Variants in ZNF618 observed in about 807,000 individuals in gnomAD.
ZNF618 encodes the protein zinc finger protein 618, also known as neural precursor cell expressed, developmentally down-regulated 10.
A neutral mutation model predicts 103.0 loss-of-function variants in ZNF618; 34 were observed. The ratio of observed to expected loss-of-function variants is 0.33; its 90% CI spans 0.25 to 0.44. ZNF618 has a LOEUF of 0.44. Ranked by LOEUF, ZNF618 falls within the 20% of genes least tolerant of loss-of-function variation. The pLI is 1.00. For synonymous variants in ZNF618, 551 were observed against 542.2 expected (o/e 1.02, Z -0.23); for missense variants, 1,059 against 1,295.4 (o/e 0.82, Z 2.80).
At chr9:114,017,148 A>G (rs544149169) in intron 10 of ZNF618, among the ~76,000 whole-genome samples, 1 of 152,276 alleles carries the variant, frequency 6.6e-6, no homozygotes, top group East Asian at 1.9e-4. Flanking sequence ...CCAGTTCCGC[A>G]TGATGCAGCT....
intron 10 of ZNF618, among the ~76,000 whole-genome samples, chr9:114,024,337 G>C (rs889285368): frequency 6.6e-6 from 1 of 151,750 alleles, no homozygotes; most frequent in African/African-American, 2.4e-5. Flanking sequence ...TGTCATTTCT[G>C]TATGTTTCTG....
At chr9:113,928,642 TTTG>T (rs1833304719) in intron 1 of ZNF618, among the ~76,000 whole-genome samples, 2 of 152,192 alleles carry the variant, frequency 1.3e-5, no homozygotes, top group South Asian at 4.1e-4. Flanking sequence ...TTCTTTGTTT[TTTG>T]TTTTCTCTCC....
At chr9:114,037,685 A>G (rs1844743474) in intron 13 of ZNF618, among the ~76,000 whole-genome samples, 1 of 152,222 alleles carries the variant, frequency 6.6e-6, no homozygotes. Context: ...ACTGGCATAG[A>G]GTATTACAGG....
At chr9:114,020,300 A>G (rs967916636) in intron 10 of ZNF618, among the ~76,000 whole-genome samples, 3 of 152,072 alleles carry the variant, frequency 2.0e-5, no homozygotes, top group African/African-American at 7.2e-5. Context: ...TATTCTAGAA[A>G]CTTTATTCTT....
intron 4 of ZNF618, 118 bp from the exon 5 acceptor site, chr9:114,001,878 G>A (rs1841244635): frequency 2.3e-6 from 2 of 878,208 alleles, no homozygotes; most frequent in Non-Finnish European, 3.8e-6. Context: ...TCCTTGCCAG[G>A]GACCATCTCT....
At chr9:113,962,714 C>T (rs1836969733) in intron 1 of ZNF618, among the ~76,000 whole-genome samples, 1 of 152,196 alleles carries the variant, frequency 6.6e-6, no homozygotes, top group South Asian at 2.1e-4. Context: ...CCAATGATGC[C>T]TACCCAACTA....
intron 1 of ZNF618, 25 bp downstream of exon 1, chr9:113,876,438 C>A: frequency 8.3e-7 from 1 of 1,200,376 alleles, no homozygotes; most frequent in Non-Finnish European, 1.0e-6. Flanking sequence ...CGGGGGCATG[C>A]ACCGCGCGGG....
chr9:114,037,314 G>T (rs915057384), intron 13 of ZNF618, among the ~76,000 whole-genome samples: 6 of 152,126 alleles, frequency 3.9e-5, no homozygotes, highest in Non-Finnish European at 7.3e-5. Context: ...TCTCTTTGTG[G>T]ATGGGGAGAG....
At chr9:113,887,882 A>G (rs1829226991) in intron 1 of ZNF618, among the ~76,000 whole-genome samples, 2 of 152,172 alleles carry the variant, frequency 1.3e-5, no homozygotes, top group Non-Finnish European at 2.9e-5. Flanking sequence ...GAAGTTTAGC[A>G]TTCTTATTTA....
chr9:113,925,014 A>G (rs556635368), intron 1 of ZNF618, among the ~76,000 whole-genome samples: 1 of 151,984 alleles, frequency 6.6e-6, no homozygotes, highest in Non-Finnish European at 1.5e-5. Context: ...TGGATGCAAT[A>G]CCCTATAATA....
intron 1 of ZNF618, among the ~76,000 whole-genome samples, chr9:113,920,121 C>T (rs1235930180): frequency 1.3e-5 from 2 of 152,164 alleles, no homozygotes; most frequent in African/African-American, 2.4e-5. Flanking sequence ...TCCCAGGTAT[C>T]CCAAGTTCAT....
intron 1 of ZNF618, among the ~76,000 whole-genome samples, chr9:113,916,741 G>A (rs1248230651): frequency 6.6e-6 from 1 of 152,198 alleles, no homozygotes; most frequent in Non-Finnish European, 1.5e-5. Context: ...TGCAAGGTGT[G>A]TATCCTTCAC....
At chr9:113,988,043 A>G (rs187743874) in intron 2 of ZNF618, among the ~76,000 whole-genome samples, 2 of 152,370 alleles carry the variant, frequency 1.3e-5, no homozygotes, top group East Asian at 3.9e-4. Context: ...AACTGGGCAC[A>G]TCTAGACCTC....
In ZNF618 at chr9:114,050,140, CAT is replaced by C. The variant is rs1564354066; in HGVS notation, c.2839_2840del (p.Met947ValfsTer22). On this transcript the variant is annotated frameshift_variant, in exon 15 of 15. Coordinates refer to ENST00000374126, the MANE Select transcript of ZNF618 (RefSeq NM_001318042.2). LOFTEE classifies it high-confidence loss of function. ...LLSPEDMNKL[M>X]FLKSNML The stretch of plus-strand genomic sequence containing the variant: ...TCAGTCCAGAAGATATGAATAAACT[CAT>C]GTTTCTGAAATCCAACATGCTTTAA... 6.4e-7 allele frequency: 1 copy of C among 1,562,734 alleles called. No homozygotes were observed. Among genetic ancestry groups the C allele is most frequent in the Non-Finnish European group, 8.7e-7 (1 of 1,155,930 alleles).
rs1298111835 is a variant in ZNF618 at position 114,049,690 on chromosome 9, C to G, written c.2388C>G (p.Phe796Leu). 6.2e-7 allele frequency: 1 copy of G among 1,613,870 alleles called. No homozygotes were observed. The highest frequency in any genetic ancestry group is 1.3e-5 in the African/African-American group (1 of 75,068). The change falls in exon 15 of 15, where the codon TTC becomes TTG. Residue 796 changes from phenylalanine (F) to leucine (L), a missense_variant. By Grantham distance (22) the Phe-to-Leu change is conservative. This residue lies in a region of ZNF618 where 272 missense variants were observed against 380.1 expected (regional missense o/e 0.72). Coordinates refer to ENST00000374126, the MANE Select transcript of ZNF618 (RefSeq NM_001318042.2). The stretch of plus-strand genomic sequence containing the variant: ...TCCTGGAGGCGCTCAAGGAGAACTT[C>G]AAGGTGCACCCGGCCCACAAGGTGG... ...HLFLEALKEN[F>L]KVHPAHKVAM...
At chr9:113,989,095 G>A (rs1029460789) in intron 3 of ZNF618, among the ~76,000 whole-genome samples, 10 of 152,176 alleles carry the variant, frequency 6.6e-5, no homozygotes, top group African/African-American at 2.2e-4. Flanking sequence ...CTCTCCCTCC[G>A]GTCTCCAGCA....
At chr9:113,923,955 G>A (rs1160940835) in intron 1 of ZNF618, among the ~76,000 whole-genome samples, 1 of 152,056 alleles carries the variant, frequency 6.6e-6, no homozygotes, top group Non-Finnish European at 1.5e-5. Context: ...CAGTCAACAA[G>A]TTTCAGATTT....
intron 9 of ZNF618, 73 bp downstream of exon 9, chr9:114,008,627 C>T: frequency 6.4e-7 from 1 of 1,568,642 alleles, no homozygotes. Context: ...AGTCTCACTG[C>T]TAGGGCAGGG....
rs184587532 is a variant in ZNF618, at chr9:114,052,254, C to G, written c.*2087C>G. On this transcript the variant is annotated 3_prime_UTR_variant, in exon 15 of 15. Coordinates refer to ENST00000374126, the MANE Select transcript of ZNF618 (RefSeq NM_001318042.2). ...CTCATGAGAACTCACCCAGCTCTCCCCTTGAAACTTGGACACACTGAAATG... is the reference window on the plus strand; with the variant it reads ...CTCATGAGAACTCACCCAGCTCTCCGCTTGAAACTTGGACACACTGAAATG... 5.4e-4 allele frequency: 82 copies of G among 152,764 alleles called. No homozygotes were observed. The highest frequency in any genetic ancestry group is 1.7e-3 in the African/African-American group (72 of 41,556). The allele number at this position is 152,764 out of a possible 1,614,324, so 9.5% of individuals were successfully genotyped here.
Sources: allele counts gnomAD v4.1 joint callset (sites outside exome capture counted in the v4.1 genomes callset), GRCh38; gene constraint gnomAD v4.1.1; regional missense constraint gnomAD v4.1.1; transcripts MANE v1.5; gene names NCBI Gene and HGNC (gene_info 2026-07-23, HGNC 2026-07-21).